Variants in PHKB observed in about 807,000 individuals in gnomAD.
PHKB encodes phosphorylase kinase regulatory subunit beta.
A neutral mutation model predicts 152.1 loss-of-function variants in PHKB; 122 were observed. The ratio of observed to expected loss-of-function variants is 0.80; its 90% confidence interval spans 0.69 to 0.93. PHKB has a LOEUF of 0.93. Among genes scored for constraint, PHKB ranks in the 40% least tolerant of loss-of-function variants. The pLI, the probability that PHKB is intolerant of heterozygous loss-of-function variation, is 0.00. For missense variants in PHKB, 1,304 were observed against 1,328.4 expected (o/e 0.98, Z 0.29); for synonymous variants, 436 against 464.9 (o/e 0.94, Z 0.80).
intron 13 of PHKB, among the ~76,000 whole-genome samples, chr16:47,608,572 C>T (rs980544262): frequency 2.0e-5 from 3 of 152,144 alleles, no homozygotes; most frequent in Admixed American, 6.5e-5. Context: ...ATTAACCAGG[C>T]ATGGTGGTAA....
intron 6 of PHKB, among the ~76,000 whole-genome samples, chr16:47,524,172 T>C (rs569403534): frequency 6.6e-6 from 1 of 152,324 alleles, no homozygotes; most frequent in African/African-American, 2.4e-5. Flanking sequence ...ATATTCTTAC[T>C]GCTTGTGTGA....
intron 1 of PHKB, among the ~76,000 whole-genome samples, chr16:47,480,259 G>A (rs546702594): frequency 3.3e-4 from 50 of 152,216 alleles, no homozygotes; most frequent in South Asian, 6.2e-4. Flanking sequence ...ATTTCCGCCC[G>A]AGTCCAGTTT....
chr16:47,673,522 A>C (rs1210645347), intron 26 of PHKB, among the ~76,000 whole-genome samples: 1 of 152,178 alleles, frequency 6.6e-6, no homozygotes, highest in Non-Finnish European at 1.5e-5. Flanking sequence ...TATACAGAAG[A>C]TATCAGGATG....
At chr16:47,673,739 A>G (rs1350425529) in intron 26 of PHKB, among the ~76,000 whole-genome samples, 4 of 152,202 alleles carry the variant, frequency 2.6e-5, no homozygotes, top group African/African-American at 9.6e-5. Flanking sequence ...AGCCACAAAT[A>G]TTATTCATTG....
intron 6 of PHKB, among the ~76,000 whole-genome samples, chr16:47,517,533 A>G (rs1364087669): frequency 6.6e-6 from 1 of 152,148 alleles, no homozygotes; most frequent in Non-Finnish European, 1.5e-5. Flanking sequence ...CTGGGATTAC[A>G]TCTGGGAGCC....
At chr16:47,546,869 C>G (rs962662332) in intron 6 of PHKB, among the ~76,000 whole-genome samples, 2 of 152,164 alleles carry the variant, frequency 1.3e-5, no homozygotes, top group African/African-American at 4.8e-5. Context: ...GACTGCCGTT[C>G]TAACAGTGAG....
chr16:47,547,428 T>G lies in PHKB; in HGVS notation c.595-5T>G, dbSNP rs369184808. The G allele has an allele frequency of 2.2e-4, 338 of 1,551,376 alleles. 1 individual carries two copies. In the South Asian group the frequency reaches 3.6e-3, roughly 16 times the overall value. On this transcript the variant is annotated splice_polypyrimidine_tract_variant and splice_region_variant and intron_variant, in intron 6 of 30. Coordinates refer to ENST00000323584, the MANE Select transcript of PHKB (RefSeq NM_000293.3). Reference sequence around the variant, plus strand: ...GTCCTTATGTTTCATTTCTTTTTCTTTTAGGTCTCTTTTATTCAAAACCTT... The same window carrying G: ...GTCCTTATGTTTCATTTCTTTTTCTGTTAGGTCTCTTTTATTCAAAACCTT...
chr16:47,503,789 A>G (rs1380403224), intron 4 of PHKB, among the ~76,000 whole-genome samples: 3 of 152,190 alleles, frequency 2.0e-5, no homozygotes, highest in Non-Finnish European at 2.9e-5. Context: ...AGATCATGCC[A>G]ATGCACTCCA....
intron 8 of PHKB, among the ~76,000 whole-genome samples, chr16:47,581,759 G>T (rs1323106966): frequency 1.3e-5 from 2 of 152,008 alleles, no homozygotes; most frequent in Admixed American, 6.5e-5. Flanking sequence ...GGCTCACTGC[G>T]ACCTCCGCCT....
intron 26 of PHKB, among the ~76,000 whole-genome samples, chr16:47,683,026 C>A (rs1183839268): frequency 6.6e-6 from 1 of 152,222 alleles, no homozygotes; most frequent in Non-Finnish European, 1.5e-5. Flanking sequence ...TGCTAGAGGT[C>A]CACTCCAGAC....
intron 14 of PHKB, among the ~76,000 whole-genome samples, chr16:47,615,978 A>G (rs1313730380): frequency 5.3e-5 from 8 of 152,250 alleles, no homozygotes; most frequent in Admixed American, 4.6e-4. Flanking sequence ...TATATTTACC[A>G]GAACCAATTT....
rs946865061 is a variant in PHKB, at chr16:47,693,232, C to G, written c.2766-146C>G. The stretch of plus-strand genomic sequence containing the variant: ...TTTTCATTATGAAATATTTACTAGC[C>G]TCTGTAACACACGGAGATATGCATC... On this transcript the variant is annotated intron_variant, in intron 27 of 30. Transcript: ENST00000323584. The G allele has an allele frequency of 3.9e-6, 3 of 768,368 alleles. No homozygotes were observed. In the Admixed American group the frequency reaches 6.1e-5, roughly 16 times the overall value. 47.6% of individuals were successfully genotyped at this position (768,368 alleles called of 1,614,324 possible). A position where few individuals can be genotyped will look rare whatever the true frequency, so the allele number is the denominator to read the frequency against.
chr16:47,581,443 A>T (rs998757295), intron 8 of PHKB, among the ~76,000 whole-genome samples: 10 of 152,164 alleles, frequency 6.6e-5, no homozygotes, highest in African/African-American at 2.2e-4. Context: ...GGATAAAATG[A>T]CTTTAAAGAA....
intron 14 of PHKB, among the ~76,000 whole-genome samples, chr16:47,613,697 A>G (rs1218320132): frequency 5.9e-5 from 9 of 152,202 alleles, no homozygotes; most frequent in African/African-American, 2.2e-4. Context: ...GTCACGGTCA[A>G]AATACTTAAT....
At chr16:47,652,676 G>T (rs930320134) in intron 20 of PHKB, among the ~76,000 whole-genome samples, 1 of 151,930 alleles carries the variant, frequency 6.6e-6, no homozygotes, top group Non-Finnish European at 1.5e-5. Flanking sequence ...ACAGGGTCTC[G>T]CTCTGTCCTC....
chr16:47,669,182 G>A (rs924507638), intron 25 of PHKB, 33 bp from the exon 26 acceptor site: 1 of 1,526,492 alleles, frequency 6.6e-7, no homozygotes, highest in Non-Finnish European at 9.1e-7. Flanking sequence ...TAGTAGCTAG[G>A]AGAATTTTAC....
chr16:47,514,361 C>T (rs1055659743), intron 5 of PHKB, among the ~76,000 whole-genome samples: 11 of 152,186 alleles, frequency 7.2e-5, no homozygotes, highest in African/African-American at 2.4e-4. Context: ...AGCCTCAGAA[C>T]CATACAAGCC....
intron 6 of PHKB, among the ~76,000 whole-genome samples, chr16:47,538,276 T>C (rs1970989101): frequency 1.3e-5 from 2 of 152,160 alleles, no homozygotes; most frequent in Admixed American, 1.3e-4. Context: ...TTGAAGACCA[T>C]GAAATAGCTA....
At chr16:47,676,097 A>C (rs921551848) in intron 26 of PHKB, 1 of 152,192 alleles carries the variant, frequency 6.6e-6, no homozygotes. Flanking sequence ...TTTCTTTACA[A>C]ATTTTACCTT....
Sources: gnomAD v4.1 joint callset for allele counts (sites outside exome capture counted in the v4.1 genomes callset) on GRCh38, gnomAD v4.1.1 for gene constraint, MANE v1.5 for transcripts, NCBI Gene and HGNC (gene_info 2026-07-23, HGNC 2026-07-21) for gene names.